The following TOX variants were observed in gnomAD, a reference collection of about 807,000 sequenced individuals.
TOX encodes the protein thymocyte selection associated high mobility group box.
TOX carries 11 observed loss-of-function variants against 53.7 expected under a neutral mutation model. The observed-to-expected ratio is 0.20, with a 90% CI of 0.13 to 0.34. The LOEUF is 0.34. TOX is among the 10% of genes least tolerant of loss of function. The pLI, the probability that TOX is intolerant of heterozygous loss-of-function variation, is 1.00. For synonymous variants in TOX, 225 were observed against 245.3 expected (o/e 0.92, Z 0.77); for missense variants, 570 against 664.6 (o/e 0.86, Z 1.56).
Position 58,807,589 on chromosome 8 carries a change from T to A in TOX, c.*158A>T, listed in dbSNP as rs1323636104. The A allele has an allele frequency of 3.6e-5, 24 of 674,322 alleles. No individual in the cohort carries two copies. The highest frequency in any genetic ancestry group is 6.0e-5 in the Non-Finnish European group (24 of 399,674). 41.8% of individuals were successfully genotyped at this position (674,322 alleles called of 1,614,324 possible). ...AAAAAATAATAAAGAAGCATGACTA[T>A]TTCTTCCAGAGTGGGTGACCCACAA... On this transcript the variant is annotated 3_prime_UTR_variant, in exon 9 of 9. Transcript: ENST00000361421.
At position 58,851,798 on chromosome 8, in the gene TOX, T is replaced by C; in HGVS notation, c.419A>G (p.Asp140Gly). The stretch of plus-strand genomic sequence containing the variant: ...CTGAGTTCCTTCTGGGTTTCGTATA[T>C]CTGGCATCTACAATAAATAAATAAA... ...LLSNSISVMPDIRNPEGTQYS... is the reference protein window; with the variant it reads ...LLSNSISVMPGIRNPEGTQYS... Residue 140 changes from aspartate to glycine, a missense_variant, in exon 4 of 9, where the codon GAT becomes GGT. Asp to Gly is a moderately conservative substitution (Grantham distance 94, BLOSUM62 -1). Transcript: ENST00000361421. The surrounding 1 kb of genome is among the most constrained non-coding windows in gnomAD (Gnocchi z 4.4). The C allele has an allele frequency of 6.5e-7, 1 of 1,545,660 alleles. No homozygotes were observed. Among genetic ancestry groups the C allele is most frequent in the Non-Finnish European group, 8.8e-7 (1 of 1,141,974 alleles).
At position 59,118,062 on chromosome 8, in the gene TOX, C is replaced by T. The variant is rs1805137772; in HGVS notation, c.102+824G>A. 6.6e-6 allele frequency among the ~76,000 whole-genome samples: 1 copy of T among 152,216 alleles called. No homozygotes were observed. Among genetic ancestry groups the T allele is most frequent in the Admixed American group, 6.5e-5 (1 of 15,292 alleles). On this transcript the variant is annotated intron_variant, in intron 1 of 8. Coordinates refer to ENST00000361421, the MANE Select transcript of TOX (RefSeq NM_014729.3). This position sits in a 1 kb window ranked among gnomAD's most constrained non-coding sequence, Gnocchi z 4.1. ...CGCAGCAGCCCAGGCCAGCGCCCCA[C>T]CTCCGGGTCACCGGCATGATCCGCC...
chr8:58,977,816 T>G (rs1813131028), intron 1 of TOX, among the ~76,000 whole-genome samples: 1 of 152,168 alleles, frequency 6.6e-6, no homozygotes, highest in Non-Finnish European at 1.5e-5. Context: ...ATAGGTGCAG[T>G]TCATGACACC....
At chr8:58,913,557 G>T (rs1324245744) in intron 3 of TOX, among the ~76,000 whole-genome samples, 1 of 151,986 alleles carries the variant, frequency 6.6e-6, no homozygotes, top group Admixed American at 6.6e-5. Flanking sequence ...CATTCTCTTG[G>T]TGCTTCACCT....
intron 1 of TOX, among the ~76,000 whole-genome samples, chr8:59,092,264 T>TATATATTATATATACA (rs1174716509): frequency 1.9e-5 from 1 of 51,888 alleles, no homozygotes; most frequent in African/African-American, 1.9e-4. Flanking sequence ...ATATATATAT[T>TATATATTATATATACA]TTATATATAT....
At chr8:58,901,902 C>T (rs921072916) in intron 3 of TOX, among the ~76,000 whole-genome samples, 7 of 152,112 alleles carry the variant, frequency 4.6e-5, no homozygotes, top group African/African-American at 1.4e-4. Flanking sequence ...TAGTGACATT[C>T]GTGTGTCCAA....
At chr8:59,089,904 C>T (rs73256370) in intron 1 of TOX, among the ~76,000 whole-genome samples, 1,744 of 152,300 alleles carry the variant, frequency 0.011, 48 homozygotes, top group African/African-American at 0.039. Flanking sequence ...GTCTGGGATG[C>T]TAACACCTCC....
chr8:58,966,753 G>A (rs1271353027), intron 1 of TOX, among the ~76,000 whole-genome samples: 1 of 152,060 alleles, frequency 6.6e-6, no homozygotes, highest in African/African-American at 2.4e-5. Context: ...AATCTCAAGA[G>A]AGAAACACGA....
chr8:58,941,136 T>C (rs1342786970), intron 2 of TOX, among the ~76,000 whole-genome samples: 1 of 152,234 alleles, frequency 6.6e-6, no homozygotes. Context: ...AATATGTATG[T>C]GCTGTGTCAA....
intron 1 of TOX, among the ~76,000 whole-genome samples, chr8:59,056,769 C>T (rs1803896908): frequency 6.6e-6 from 1 of 152,192 alleles, no homozygotes; most frequent in Non-Finnish European, 1.5e-5. Context: ...GTGCATGCTT[C>T]CCTAGAGTCC....
At chr8:59,095,243 GT>G (rs377409113) in intron 1 of TOX, among the ~76,000 whole-genome samples, 4,070 of 144,854 alleles carry the variant, frequency 0.028, 185 homozygotes, top group African/African-American at 0.094. Context: ...TAAAAGAGTT[GT>G]TTTTTTTTTC....
chr8:58,994,416 G>GTGTGTA (rs1813518035), intron 1 of TOX, among the ~76,000 whole-genome samples: 1 of 144,100 alleles, frequency 6.9e-6, no homozygotes, highest in Admixed American at 6.7e-5. Flanking sequence ...GTGTGTGTGT[G>GTGTGTA]TGTGCGCGCG....
chr8:59,001,458 C>T (rs557758673), intron 1 of TOX, among the ~76,000 whole-genome samples: 1 of 152,272 alleles, frequency 6.6e-6, no homozygotes, highest in Admixed American at 6.5e-5. Flanking sequence ...GTGATTCTAG[C>T]AACTCACAGC....
chr8:59,074,048 G>A (rs1279487845), intron 1 of TOX, among the ~76,000 whole-genome samples: 1 of 152,162 alleles, frequency 6.6e-6, no homozygotes, highest in African/African-American at 2.4e-5. Flanking sequence ...ATGGCAATAA[G>A]TACCACGACC....
chr8:59,043,225 G>GTGTGTC (rs59053972), intron 1 of TOX, among the ~76,000 whole-genome samples: 2 of 148,742 alleles, frequency 1.3e-5, no homozygotes, highest in Admixed American at 6.7e-5. Flanking sequence ...GTGTGTGTGT[G>GTGTGTC]CATCTGTGTG....
rs192429366 is a variant in TOX, at chr8:59,025,725, T to C, written c.103-65717A>G. Among the ~76,000 whole-genome samples, 5 of 152,216 alleles carry C rather than the reference T, an allele frequency of 3.3e-5. No individual in the cohort carries two copies. The East Asian group carries it at 9.7e-4, about 29-fold the overall frequency. On this transcript the variant is annotated intron_variant, in intron 1 of 8. Transcript: ENST00000361421. ...GTCACCTTCTCAATGGCTCTCCAGC[T>C]CCTGTTTCCCCAGGCAGATGGTTCG...
Position 59,118,735 on chromosome 8 carries a change from A to G in TOX, c.102+151T>C. 2.3e-6 allele frequency: 1 copy of G among 441,772 alleles called. No individual in the cohort carries two copies. Among genetic ancestry groups the G allele is most frequent in the Non-Finnish European group, 3.9e-6 (1 of 257,372 alleles). 27.4% of individuals were successfully genotyped at this position (441,772 alleles called of 1,614,324 possible). A position where few individuals can be genotyped will look rare whatever the true frequency, so the allele number is the denominator to read the frequency against. Reference sequence around the variant, plus strand: ...CCGGAGCTACTCCACAATATTTACTACCCAAGCGCACGCAGGCTGCAGCGG... The same window carrying G: ...CCGGAGCTACTCCACAATATTTACTGCCCAAGCGCACGCAGGCTGCAGCGG... On this transcript the variant is annotated intron_variant, in intron 1 of 8. Coordinates refer to ENST00000361421, the MANE Select transcript of TOX (RefSeq NM_014729.3). The surrounding 1 kb of genome is among the most constrained non-coding windows in gnomAD (Gnocchi z 4.1).
chr8:58,885,158 T>G (rs1811444825), intron 3 of TOX, among the ~76,000 whole-genome samples: 1 of 152,170 alleles, frequency 6.6e-6, no homozygotes, highest in Non-Finnish European at 1.5e-5. Flanking sequence ...GGGTTATATG[T>G]GATGTATATT....
chr8:59,007,075 C>T (rs1220467655), intron 1 of TOX, among the ~76,000 whole-genome samples: 3 of 152,156 alleles, frequency 2.0e-5, no homozygotes, highest in Non-Finnish European at 4.4e-5. Context: ...GCTAGAAGTT[C>T]CTTGGCATAT....
Sources: gnomAD v4.1 joint callset for allele counts (sites outside exome capture counted in the v4.1 genomes callset) on GRCh38, gnomAD v4.1.1 for gene constraint, Gnocchi (gnomAD v3.1) non-coding constraint, MANE v1.5 for transcripts, NCBI Gene and HGNC (gene_info 2026-07-23, HGNC 2026-07-21) for gene names.